NLGN1: variants seen among roughly 807,000 people sequenced by gnomAD.
NLGN1 encodes neuroligin-1.
Under a neutral mutation model 65.5 loss-of-function variants are expected in NLGN1, and 12 were observed. That is an observed-to-expected ratio of 0.18 (90% CI 0.12 to 0.30). The LOEUF is 0.30. Ranked by LOEUF, NLGN1 falls within the 10% of genes least tolerant of loss-of-function variation. NLGN1 has a pLI of 1.00. For missense variants in NLGN1, 750 were observed against 1,007.1 expected (o/e 0.74, Z 3.46); for synonymous variants, 350 against 359.5 (o/e 0.97, Z 0.30).
intron 4 of NLGN1, among the ~76,000 whole-genome samples, chr3:173,997,021 T>C (rs953714280): frequency 1.3e-5 from 2 of 152,056 alleles, no homozygotes; most frequent in Non-Finnish European, 2.9e-5. Context: ...AGTGAGTAAA[T>C]CAATTTAGTG....
intron 4 of NLGN1, among the ~76,000 whole-genome samples, chr3:174,164,319 C>A (rs1727120055): frequency 6.6e-6 from 1 of 151,786 alleles, no homozygotes; most frequent in Non-Finnish European, 1.5e-5. Flanking sequence ...GTTTAAGTTC[C>A]TGGATATTAG....
chr3:174,025,786 A>G (rs1728716849), intron 4 of NLGN1, among the ~76,000 whole-genome samples: 1 of 152,216 alleles, frequency 6.6e-6, no homozygotes, highest in Non-Finnish European at 1.5e-5. Context: ...TATTCCGGAA[A>G]TGATTGTCAC....
chr3:174,208,156 A>G (rs370590873), intron 4 of NLGN1, among the ~76,000 whole-genome samples: 189 of 152,282 alleles, frequency 1.2e-3, no homozygotes, highest in African/African-American at 4.2e-3. Flanking sequence ...TTCCAATTCT[A>G]TGCTTCCTGC....
At chr3:173,956,088 A>G (rs1054039764) in intron 4 of NLGN1, among the ~76,000 whole-genome samples, 3 of 152,258 alleles carry the variant, frequency 2.0e-5, no homozygotes, top group African/African-American at 7.2e-5. Flanking sequence ...ATCTTCAATT[A>G]TGTTAATATT....
At chr3:173,751,194 G>C (rs1462659091) in intron 3 of NLGN1, among the ~76,000 whole-genome samples, 1 of 152,008 alleles carries the variant, frequency 6.6e-6, no homozygotes, top group East Asian at 1.9e-4. Context: ...TACTAGTTAA[G>C]ATAATGTTTG....
chr3:174,157,009 A>G (rs1196612058), intron 4 of NLGN1, among the ~76,000 whole-genome samples: 1 of 149,220 alleles, frequency 6.7e-6, no homozygotes, highest in African/African-American at 2.5e-5. Flanking sequence ...TATAATATAA[A>G]TGTAGAAAAA....
chr3:173,458,109 A>G (rs1357150672), intron 2 of NLGN1, among the ~76,000 whole-genome samples: 2 of 152,040 alleles, frequency 1.3e-5, no homozygotes, highest in Non-Finnish European at 2.9e-5. Flanking sequence ...GAAGAGGAGT[A>G]AGGACTGAGG....
intron 4 of NLGN1, among the ~76,000 whole-genome samples, chr3:174,144,577 T>TG (rs1182333329): frequency 0.015 from 2,225 of 152,242 alleles, 55 homozygotes; most frequent in African/African-American, 0.051. Context: ...TCCAGCATCC[T>TG]TTGTTTCCTG....
chr3:174,081,915 C>T (rs1324275060), intron 4 of NLGN1, among the ~76,000 whole-genome samples: 1 of 152,154 alleles, frequency 6.6e-6, no homozygotes, highest in Non-Finnish European at 1.5e-5. Flanking sequence ...AACATTCAGA[C>T]ATTACCATCC....
At chr3:173,656,629 T>C (rs1760081314) in intron 3 of NLGN1, among the ~76,000 whole-genome samples, 1 of 152,090 alleles carries the variant, frequency 6.6e-6, no homozygotes, top group South Asian at 2.1e-4. Flanking sequence ...GAATTCTTAA[T>C]GAAGTTGTTT....
chr3:174,289,984 TAC>T (rs1169849643), downstream of NLGN1, among the ~76,000 whole-genome samples: 5 of 145,752 alleles, frequency 3.4e-5, no homozygotes, highest in South Asian at 4.2e-4. Context: ...TATATATATA[TAC>T]ATATATATTC....
intron 4 of NLGN1, among the ~76,000 whole-genome samples, chr3:173,873,153 A>G (rs2150880438): frequency 6.6e-6 from 1 of 150,402 alleles, no homozygotes; most frequent in African/African-American, 2.5e-5. Flanking sequence ...CAGTGGCGCT[A>G]TGTCAGCTCA....
chr3:173,539,625 T>A (rs1738163443), intron 2 of NLGN1, among the ~76,000 whole-genome samples: 2 of 64,148 alleles, frequency 3.1e-5, no homozygotes, highest in South Asian at 1.3e-3. Flanking sequence ...ATTATATATT[T>A]ATATATACAC....
intron 4 of NLGN1, among the ~76,000 whole-genome samples, chr3:173,962,610 T>A (rs910905467): frequency 2.6e-5 from 4 of 152,166 alleles, no homozygotes; most frequent in African/African-American, 9.6e-5. Context: ...TTATTTTGAA[T>A]TGGAGATTTA....
intron 2 of NLGN1, among the ~76,000 whole-genome samples, chr3:173,572,611 C>T (rs891223403): frequency 6.6e-6 from 1 of 152,208 alleles, no homozygotes; most frequent in Admixed American, 6.5e-5. Context: ...TGGTCATTCT[C>T]TCCTGGTGCT....
In NLGN1 at chr3:174,052,351, C is replaced by T. The variant is rs141901405; in HGVS notation, c.647-222964C>T. ...ATAAGAATATTAATTATTATATTTT[C>T]CCTTGAGACTTCATTGAAGAGTTAA... is the stretch of plus-strand genomic sequence containing the variant. On this transcript the variant is annotated intron_variant, in intron 4 of 6. Transcript: ENST00000457714. 6.3e-3 allele frequency among the ~76,000 whole-genome samples: 959 copies of T among 151,926 alleles called. 23 individuals carry two copies. The highest frequency in any genetic ancestry group is 0.039 in the East Asian group (199 of 5,146).
At chr3:174,231,558 C>G (rs916378848) in intron 4 of NLGN1, among the ~76,000 whole-genome samples, 1 of 152,168 alleles carries the variant, frequency 6.6e-6, no homozygotes, top group African/African-American at 2.4e-5. Context: ...TCCACAAGGA[C>G]TCAAATACAG....
intron 2 of NLGN1, among the ~76,000 whole-genome samples, chr3:173,589,085 C>T (rs556381707): frequency 6.6e-6 from 1 of 152,278 alleles, no homozygotes; most frequent in African/African-American, 2.4e-5. Context: ...AATTAAGTTC[C>T]AGCCTGAGAC....
rs534624296 is a variant in NLGN1, at chr3:173,451,705, C to T, written c.-321+16627C>T. Among the ~76,000 whole-genome samples, 6 of 152,334 alleles carry T rather than the reference C, an allele frequency of 3.9e-5. No homozygotes were observed. In the South Asian group the frequency reaches 1.2e-3, roughly 32 times the overall value. ...GGCCTCCTTGAGCTGTGGTGAGCTC[C>T]ACCCAGTTCGAGCTTCCTGGCCACT... is the stretch of plus-strand genomic sequence containing the variant. On this transcript the variant is annotated intron_variant, in intron 2 of 6. Coordinates refer to ENST00000457714, the Ensembl canonical transcript of NLGN1.
Sources: allele counts gnomAD v4.1 joint callset (sites outside exome capture counted in the v4.1 genomes callset), GRCh38; gene constraint gnomAD v4.1.1; transcripts MANE v1.5; gene names NCBI Gene and HGNC (gene_info 2026-07-23, HGNC 2026-07-21).